TMPRSS9: variants seen among roughly 807,000 people sequenced by gnomAD.
The protein encoded by TMPRSS9 is transmembrane protease serine 9.
In TMPRSS9, 113 loss-of-function variants were observed where a neutral mutation model predicts 111.4. The observed-to-expected ratio is 1.01, with a 90% CI of 0.87 to 1.19. TMPRSS9 has a LOEUF of 1.19. Among genes scored for constraint, TMPRSS9 ranks in the 50% most tolerant of loss-of-function variants. The probability of loss-of-function intolerance (pLI) is 0.00; values close to 1 mark genes in which losing one functional copy is unlikely to be tolerated. For missense variants in TMPRSS9, 1,803 were observed against 1,513.1 expected, an observed-to-expected ratio of 1.19 and a Z score of -3.18; for synonymous variants, 805 against 659.1, an observed-to-expected ratio of 1.22 and a Z score of -3.39.
chr19:2,424,408 C>G (rs7259330), intron 15 of TMPRSS9, 151 bp downstream of exon 16: 49,250 of 842,528 alleles, frequency 0.058, 2,889 homozygotes, highest in East Asian at 0.32. Flanking sequence ...CCTCCCACCC[C>G]CCATCTCCCC....
chr19:2,417,075 A>G (rs1026862493), intron 12 of TMPRSS9, among the ~76,000 whole-genome samples: 3 of 152,216 alleles, frequency 2.0e-5, no homozygotes, highest in African/African-American at 4.8e-5. Flanking sequence ...CAGATTGTCT[A>G]TGGCTGCTTT....
intron 6 of TMPRSS9, among the ~76,000 whole-genome samples, chr19:2,405,087 G>A (rs964592567): frequency 1.3e-5 from 2 of 152,182 alleles, no homozygotes; most frequent in Non-Finnish European, 2.9e-5. Flanking sequence ...AAACATGTAC[G>A]TGGGGTCATC....
chr19:2,409,669 G>T (rs1971054211), intron 8 of TMPRSS9, among the ~76,000 whole-genome samples: 1 of 151,966 alleles, frequency 6.6e-6, no homozygotes, highest in Non-Finnish European at 1.5e-5. Context: ...AGCAAGTCAG[G>T]CAAATTCTGC....
At position 2,360,933 on chromosome 19, in the gene TMPRSS9, ATGTGTAGATACAGCTGGGG is replaced by A. The variant is rs983478755; in HGVS notation, c.-26+583_-26+601del. ...CCGGGATTGTGTGGATGCAGCTGAG[ATGTGTAGATACAGCTGGGG>A]TGTGTAGATTCGGCCTAGTTCCTGG... On this transcript the variant is annotated intron_variant, in intron 1 of 17. Transcript: ENST00000649857. Among the ~76,000 whole-genome samples the A allele has an allele frequency of 6.7e-5, 10 of 149,480 alleles. No homozygotes were observed. The South Asian group carries it at 1.5e-3, about 22-fold the overall frequency.
chr19:2,419,192 CTCTCTGTCTT>C (rs1266723842), intron 13 of TMPRSS9, among the ~76,000 whole-genome samples: 4 of 133,412 alleles, frequency 3.0e-5, no homozygotes, highest in Admixed American at 2.4e-4. Flanking sequence ...TTCTCTCTCT[CTCTCTGTCTT>C]TCTCTCTGTT....
intron 10 of TMPRSS9, 125 bp downstream of exon 11, chr19:2,414,143 C>A: frequency 1.0e-6 from 1 of 992,876 alleles, no homozygotes. Flanking sequence ...ACATGTGTAT[C>A]CGTTTATTCC....
At chr19:2,413,771 G>T (rs1477312318) in exon 10 of TMPRSS9, 2 of 1,613,932 alleles carry the variant, frequency 1.2e-6, no homozygotes, top group Admixed American at 1.7e-5. Flanking sequence ...TCGTGAGCTG[G>T]GGAATCGGGT....
chr19:2,411,868 G>A (rs1971103367), intron 9 of TMPRSS9, among the ~76,000 whole-genome samples: 1 of 152,098 alleles, frequency 6.6e-6, no homozygotes, highest in Admixed American at 6.6e-5. Context: ...TATAATTTTT[G>A]TTTTCAAGGT....
At chr19:2,391,309 A>T (rs988950878) in intron 1 of TMPRSS9, among the ~76,000 whole-genome samples, 1 of 149,706 alleles carries the variant, frequency 6.7e-6, no homozygotes, top group African/African-American at 2.5e-5. Context: ...TTGGGGAGAA[A>T]TGCTCTCGTG....
intron 8 of TMPRSS9, 41 bp downstream of exon 9, chr19:2,408,671 AGGCG>A (rs772446211): frequency 6.3e-7 from 1 of 1,584,642 alleles, no homozygotes; most frequent in African/African-American, 1.3e-5. Flanking sequence ...TCAGGCAGGC[AGGCG>A]GGCAAATAAC....
chr19:2,405,161 A>G (rs1970941873), intron 6 of TMPRSS9, among the ~76,000 whole-genome samples: 2 of 152,040 alleles, frequency 1.3e-5, no homozygotes, highest in African/African-American at 4.8e-5. Context: ...GTGACCTTGA[A>G]TGCTTGACCT....
At chr19:2,390,079 C>A in intron 1 of TMPRSS9, 152 bp downstream of exon 2, 1 of 957,208 alleles carries the variant, frequency 1.0e-6, no homozygotes, top group Non-Finnish European at 1.5e-6. Context: ...GGCGGGTGGG[C>A]GGGGAGTGGA....
chr19:2,366,224 G>A (rs1970247069), intron 1 of TMPRSS9, among the ~76,000 whole-genome samples: 1 of 151,456 alleles, frequency 6.6e-6, no homozygotes, highest in Admixed American at 6.6e-5. Flanking sequence ...GTGCACACCT[G>A]TAGTCCTAGC....
Position 2,403,078 on chromosome 19 carries a change from T to G in TMPRSS9, c.557-4T>G. On this transcript the variant is annotated splice_region_variant and splice_polypyrimidine_tract_variant and intron_variant, in intron 5 of 17. Coordinates refer to ENST00000648592, the Ensembl canonical transcript of TMPRSS9. ...TCAGAAAGTCGGTTCTTTTCTGTCC[T>G]CAGGCCGCTGTCCAGGGAACTCCTT... 6.2e-7 allele frequency: 1 copy of G among 1,604,954 alleles called. No homozygotes were observed. Among genetic ancestry groups the G allele is most frequent in the Non-Finnish European group, 8.5e-7 (1 of 1,176,794 alleles).
At chr19:2,424,782 C>T (rs1007294179) in intron 15 of TMPRSS9, among the ~76,000 whole-genome samples, 10 of 152,014 alleles carry the variant, frequency 6.6e-5, no homozygotes, top group African/African-American at 2.4e-4. Flanking sequence ...GGCCACTAGA[C>T]CCCTTTTCAG....
intron 15 of TMPRSS9, among the ~76,000 whole-genome samples, chr19:2,424,700 G>A (rs931874231): frequency 6.6e-6 from 1 of 152,172 alleles, no homozygotes; most frequent in African/African-American, 2.4e-5. Flanking sequence ...TTTTCCAGAG[G>A]GGACACCCAG....
At chr19:2,390,061 C>T (rs184508317) in intron 1 of TMPRSS9, 134 bp downstream of exon 2, 4 of 1,179,180 alleles carry the variant, frequency 3.4e-6, no homozygotes, top group African/African-American at 3.1e-5. Flanking sequence ...GAAGGCTGCC[C>T]TAGGCCAGGC....
At chr19:2,396,459 G>A (rs1395660579) in intron 1 of TMPRSS9, 80 bp from the exon 3 acceptor site, 1 of 1,477,780 alleles carries the variant, frequency 6.8e-7, no homozygotes, top group Non-Finnish European at 9.1e-7. Flanking sequence ...GTGCAAACAG[G>A]GCGGGGCCTG....
intron 1 of TMPRSS9, among the ~76,000 whole-genome samples, chr19:2,393,149 C>G (rs1391998296): frequency 2.0e-5 from 3 of 152,130 alleles, no homozygotes; most frequent in Non-Finnish European, 2.9e-5. Flanking sequence ...GAGCCAGCAG[C>G]GGCAACCGGC....
Sources: allele counts gnomAD v4.1 joint callset (sites outside exome capture counted in the v4.1 genomes callset), GRCh38; gene constraint gnomAD v4.1.1; transcripts MANE v1.5; gene names NCBI Gene and HGNC (gene_info 2026-07-23, HGNC 2026-07-21).